The following NRG3 variants were observed in gnomAD, a reference collection of about 807,000 sequenced individuals.
NRG3 encodes the protein neuregulin 3.
A neutral mutation model predicts 66.9 loss-of-function variants in NRG3; 31 were observed. The observed-to-expected ratio is 0.46, with a 90% CI of 0.35 to 0.63. NRG3 has a LOEUF of 0.63. Ranked by LOEUF, NRG3 falls within the 20% of genes least tolerant of loss-of-function variation. The probability of loss-of-function intolerance (pLI) is 0.00; values close to 1 mark genes in which losing one functional copy is unlikely to be tolerated. For synonymous variants in NRG3, 393 were observed against 359.4 expected (o/e 1.09, Z -1.06); for missense variants, 910 against 878.9 (o/e 1.04, Z -0.45).
intron 1 of NRG3, among the ~76,000 whole-genome samples, chr10:81,929,511 C>T (rs768610655): frequency 6.6e-6 from 1 of 152,160 alleles, no homozygotes; most frequent in East Asian, 1.9e-4. Context: ...AGCCCAGGCT[C>T]CTCATGATGG....
At chr10:82,327,083 G>T (rs764540979) in intron 1 of NRG3, among the ~76,000 whole-genome samples, 5 of 152,126 alleles carry the variant, frequency 3.3e-5, no homozygotes, top group Non-Finnish European at 5.9e-5. Context: ...ATGACCCTGG[G>T]CTGAGGGAAT....
chr10:82,188,125 A>C (rs2073917971), intron 1 of NRG3, among the ~76,000 whole-genome samples: 1 of 152,186 alleles, frequency 6.6e-6, no homozygotes, highest in East Asian at 1.9e-4. Context: ...CAGACATCAA[A>C]GGAACAGAAT....
chr10:82,713,324 A>G (rs149279188), intron 2 of NRG3, among the ~76,000 whole-genome samples: 1,637 of 152,204 alleles, frequency 0.011, 30 homozygotes, highest in African/African-American at 0.038. Flanking sequence ...AAGGGCCAGG[A>G]TAGAAACATG....
intron 1 of NRG3, among the ~76,000 whole-genome samples, chr10:82,256,174 G>A (rs1308553365): frequency 4.0e-5 from 6 of 151,542 alleles, no homozygotes; most frequent in African/African-American, 1.5e-4. Context: ...CACCTGCCTC[G>A]GCCTCCTAAA....
intron 4 of NRG3, among the ~76,000 whole-genome samples, chr10:82,877,728 C>CA (rs773854218): frequency 6.6e-6 from 1 of 151,762 alleles, no homozygotes; most frequent in Non-Finnish European, 1.5e-5. Flanking sequence ...GCAATTCTTG[C>CA]AAAAAAGACT....
At position 82,987,150 on chromosome 10, in the gene NRG3, T is replaced by TAAATA. The variant is rs1853485776; in HGVS notation, c.*1549_*1553dup. The TAAATA allele has an allele frequency of 6.6e-6, 1 of 152,214 alleles. No homozygotes were observed. Among genetic ancestry groups the TAAATA allele is most frequent in the Non-Finnish European group, 1.5e-5 (1 of 68,028 alleles). The allele number at this position is 152,214 out of a possible 1,614,324, so 9.4% of individuals were successfully genotyped here. On this transcript the variant is annotated 3_prime_UTR_variant, in exon 9 of 9. Transcript: ENST00000372141. ...TTGAGTTGTTATGTTTACACTGTTT[T>TAAATA]AAATAAAAAGGCACCGTATTTGAAA...
intron 1 of NRG3, among the ~76,000 whole-genome samples, chr10:82,072,293 C>G (rs17656252): frequency 6.6e-6 from 1 of 152,052 alleles, no homozygotes; most frequent in Admixed American, 6.5e-5. Context: ...TTTAAGTCAC[C>G]GGAAGAAGCG....
intron 1 of NRG3, among the ~76,000 whole-genome samples, chr10:82,121,900 A>AG (rs1173272180): frequency 6.6e-6 from 1 of 152,132 alleles, no homozygotes; most frequent in Non-Finnish European, 1.5e-5. Context: ...GGCCTCCCAA[A>AG]GTGCTAGGAT....
At chr10:82,900,829 GAC>G (rs1056614760) in intron 4 of NRG3, among the ~76,000 whole-genome samples, 1 of 152,148 alleles carries the variant, frequency 6.6e-6, no homozygotes, top group Non-Finnish European at 1.5e-5. Flanking sequence ...TCTGTGAGAT[GAC>G]ACACATTTTG....
chr10:82,723,203 A>C (rs1369305770), intron 2 of NRG3, among the ~76,000 whole-genome samples: 2 of 152,214 alleles, frequency 1.3e-5, no homozygotes, highest in African/African-American at 4.8e-5. Context: ...TATCCTAAGC[A>C]AATTAGTATA....
chr10:82,061,842 T>TTCTCTCTCTCTCTCTCTCTC (rs72439199), intron 1 of NRG3, among the ~76,000 whole-genome samples: 2 of 146,928 alleles, frequency 1.4e-5, no homozygotes, highest in African/African-American at 5.1e-5. Flanking sequence ...CAGTGTCCCT[T>TTCTCTCTCTCTCTCTCTCTC]TCTCTCTCTC....
At chr10:82,635,197 C>T (rs1196764369) in intron 2 of NRG3, among the ~76,000 whole-genome samples, 1 of 152,106 alleles carries the variant, frequency 6.6e-6, no homozygotes, top group African/African-American at 2.4e-5. Flanking sequence ...CTTTTACTAC[C>T]ACCTTCGTTT....
chr10:81,936,529 A>G (rs1391064667), intron 1 of NRG3, among the ~76,000 whole-genome samples: 9 of 152,012 alleles, frequency 5.9e-5, no homozygotes, highest in Admixed American at 5.9e-4. Flanking sequence ...AGTGTAAGTG[A>G]GGATGGTTGT....
At position 82,768,319 on chromosome 10, in the gene NRG3, C is replaced by T. The variant is rs979773605; in HGVS notation, c.1027+29669C>T. Among the ~76,000 whole-genome samples the T allele has an allele frequency of 7.9e-5, 12 of 152,134 alleles. No homozygotes were observed. The South Asian group carries it at 8.3e-4, about 10-fold the overall frequency. On this transcript the variant is annotated intron_variant, in intron 3 of 8. Transcript: ENST00000372141. ...TTGTGTCCCACACTGCATTTTTCTC[C>T]ATCCCAGTTCAATAGTTACCACTCT...
intron 6 of NRG3, among the ~76,000 whole-genome samples, chr10:82,972,117 C>G (rs925333069): frequency 2.0e-5 from 3 of 152,096 alleles, no homozygotes; most frequent in African/African-American, 4.8e-5. Context: ...TTACCATGCT[C>G]TCTTGTTACA....
intron 2 of NRG3, among the ~76,000 whole-genome samples, chr10:82,537,501 T>G (rs1364644457): frequency 6.6e-6 from 1 of 152,176 alleles, no homozygotes; most frequent in Non-Finnish European, 1.5e-5. Flanking sequence ...CCTTGCACCT[T>G]TAATAGAGTT....
At position 82,973,871 on chromosome 10, in the gene NRG3, G is replaced by C; in HGVS notation, c.1368G>C (p.Glu456Asp). ...SSFVGPQSFP[E>D]VPSPDRGSQS... is the part of the protein sequence containing the mutation. ...TTGTCGGCCCCCAGTCATTCCCTGA[G>C]GTCCCTTCTCCTGACAGAGGAAGCC... The change falls in exon 7 of 9, where the codon GAG (glutamate) becomes GAC (aspartate). Residue 456 changes from glutamate to aspartate, a missense_variant. Glu to Asp is a conservative substitution (Grantham distance 45, BLOSUM62 2). Transcript: ENST00000372141. The C allele has an allele frequency of 6.2e-7, 1 of 1,614,064 alleles. No individual in the cohort carries two copies. The highest frequency in any genetic ancestry group is 8.5e-7 in the Non-Finnish European group (1 of 1,179,984).
At chr10:82,975,515 A>C in intron 7 of NRG3, among the ~76,000 whole-genome samples, 1 of 152,086 alleles carries the variant, frequency 6.6e-6, no homozygotes. Context: ...TCTTTAAGAG[A>C]CCTTCCTTTT....
intron 1 of NRG3, among the ~76,000 whole-genome samples, chr10:82,118,524 A>G (rs1407389612): frequency 2.6e-5 from 4 of 152,066 alleles, no homozygotes; most frequent in Non-Finnish European, 4.4e-5. Context: ...GGAACTATTT[A>G]AACGTTTATT....
Sources: allele counts gnomAD v4.1 joint callset (sites outside exome capture counted in the v4.1 genomes callset), GRCh38; gene constraint gnomAD v4.1.1; transcripts MANE v1.5; gene names NCBI Gene and HGNC (gene_info 2026-07-23, HGNC 2026-07-21).